The following FHIT variants were observed in gnomAD, a reference collection of about 807,000 sequenced individuals.
FHIT encodes the protein fragile histidine triad diadenosine triphosphatase.
Under a neutral mutation model 17.9 loss-of-function variants are expected in FHIT, and 19 were observed. That is an observed-to-expected ratio of 1.06 (90% CI 0.74 to 1.56). The LOEUF (loss-of-function observed/expected upper bound fraction) is 1.56, where lower values mean the gene tolerates loss of function less well. FHIT is among the 40% of genes most tolerant of loss of function. The pLI is 0.00. For missense variants in FHIT, 248 were observed against 189.2 expected, an observed-to-expected ratio of 1.31 and a Z score of -1.82; for synonymous variants, 81 against 69.7, an observed-to-expected ratio of 1.16 and a Z score of -0.81.
At chr3:60,230,288 T>C (rs973467254) in intron 5 of FHIT, among the ~76,000 whole-genome samples, 17 of 152,132 alleles carry the variant, frequency 1.1e-4, no homozygotes, top group Admixed American at 4.6e-4. Context: ...AATCACATCA[T>C]TCACAGTCAA....
intron 8 of FHIT, among the ~76,000 whole-genome samples, chr3:59,848,172 C>T (rs1701792272): frequency 6.6e-6 from 1 of 152,160 alleles, no homozygotes. Flanking sequence ...AGCTGCCTGC[C>T]ATGGGGCTGA....
chr3:60,403,280 T>G (rs1701731894), intron 5 of FHIT, among the ~76,000 whole-genome samples: 1 of 152,192 alleles, frequency 6.6e-6, no homozygotes, highest in Non-Finnish European at 1.5e-5. Flanking sequence ...TTGTTAAAAT[T>G]ATCTTAGGAG....
intron 3 of FHIT, among the ~76,000 whole-genome samples, chr3:60,868,193 T>C (rs1704246783): frequency 6.6e-6 from 1 of 152,182 alleles, no homozygotes; most frequent in Non-Finnish European, 1.5e-5. Flanking sequence ...GAAGCATTCC[T>C]TTCCCTCTGT....
At chr3:60,218,714 G>A (rs1576325055) in intron 5 of FHIT, among the ~76,000 whole-genome samples, 1 of 151,896 alleles carries the variant, frequency 6.6e-6, no homozygotes, top group Admixed American at 6.6e-5. Context: ...CCCATATATG[G>A]TACTTTTCTA....
chr3:60,265,105 T>C (rs1194454122), intron 5 of FHIT, among the ~76,000 whole-genome samples: 1 of 151,960 alleles, frequency 6.6e-6, no homozygotes, highest in Non-Finnish European at 1.5e-5. Flanking sequence ...CAATGGCTCC[T>C]TTCAATGAAA....
chr3:60,562,460 T>C (rs367714364), intron 4 of FHIT, among the ~76,000 whole-genome samples: 2 of 152,190 alleles, frequency 1.3e-5, no homozygotes, highest in Non-Finnish European at 2.9e-5. Context: ...TTGAGACTGG[T>C]AAATGAAGCC....
At chr3:61,206,387 G>T (rs868865598) in intron 1 of FHIT, among the ~76,000 whole-genome samples, 5 of 146,494 alleles carry the variant, frequency 3.4e-5, no homozygotes, top group African/African-American at 1.3e-4. Flanking sequence ...GGATGGCATT[G>T]AATCTATAAA....
intron 3 of FHIT, among the ~76,000 whole-genome samples, chr3:60,988,324 T>C (rs1208659811): frequency 6.6e-6 from 1 of 152,234 alleles, no homozygotes; most frequent in Admixed American, 6.5e-5. Flanking sequence ...GCCCCATTTG[T>C]GTGATAGGGT....
intron 8 of FHIT, among the ~76,000 whole-genome samples, chr3:59,811,212 CTT>C (rs924689459): frequency 2.0e-5 from 3 of 152,192 alleles, no homozygotes; most frequent in Non-Finnish European, 4.4e-5. Flanking sequence ...ATCAAATCCT[CTT>C]TATTTTAGGA....
chr3:60,572,665 A>G (rs2037426070), intron 4 of FHIT, among the ~76,000 whole-genome samples: 1 of 152,216 alleles, frequency 6.6e-6, no homozygotes, highest in South Asian at 2.1e-4. Flanking sequence ...AACTTCTGCC[A>G]TCTTGAGTCT....
intron 5 of FHIT, among the ~76,000 whole-genome samples, chr3:60,172,697 G>T (rs1409495634): frequency 1.3e-5 from 2 of 152,146 alleles, no homozygotes; most frequent in Non-Finnish European, 2.9e-5. Flanking sequence ...TAGTATATGT[G>T]AGGAACTAAA....
intron 4 of FHIT, among the ~76,000 whole-genome samples, chr3:60,633,594 A>C (rs566456140): frequency 6.6e-6 from 1 of 152,298 alleles, no homozygotes; most frequent in Admixed American, 6.5e-5. Flanking sequence ...AAGCAGTCCA[A>C]ATTTAGAAAA....
At chr3:61,199,162 G>A (rs1052741597) in intron 2 of FHIT, among the ~76,000 whole-genome samples, 6 of 152,182 alleles carry the variant, frequency 3.9e-5, no homozygotes, top group African/African-American at 1.2e-4. Context: ...ACCCATGTCT[G>A]ATTCCAGAGT....
intron 4 of FHIT, among the ~76,000 whole-genome samples, chr3:60,540,351 T>C (rs1259740601): frequency 6.6e-6 from 1 of 152,228 alleles, no homozygotes; most frequent in African/African-American, 2.4e-5. Flanking sequence ...GCAAATTGAT[T>C]GAACTCAAAG....
chr3:60,003,419 C>T (rs892565905), intron 7 of FHIT, among the ~76,000 whole-genome samples: 6 of 152,110 alleles, frequency 3.9e-5, no homozygotes, highest in African/African-American at 1.4e-4. Flanking sequence ...TCAATCAAGG[C>T]ACACATTATT....
At chr3:60,254,857 G>C (rs1420367602) in intron 5 of FHIT, among the ~76,000 whole-genome samples, 2 of 152,138 alleles carry the variant, frequency 1.3e-5, no homozygotes, top group African/African-American at 4.8e-5. Context: ...TTCCTAATGG[G>C]AATATTTGAT....
At chr3:60,939,051 G>T (rs189782242) in intron 3 of FHIT, among the ~76,000 whole-genome samples, 1 of 152,230 alleles carries the variant, frequency 6.6e-6, no homozygotes, top group Admixed American at 6.5e-5. Context: ...TTATCATTTT[G>T]CAGATAAAAA....
chr3:59,856,504 A>T (rs907978676), intron 8 of FHIT, among the ~76,000 whole-genome samples: 3 of 152,216 alleles, frequency 2.0e-5, no homozygotes, highest in Non-Finnish European at 4.4e-5. Context: ...AAAAATCACA[A>T]GGGAGGAAAA....
chr3:60,553,496 TAA>T (rs370085169), intron 4 of FHIT: 1,376 of 131,858 alleles, frequency 0.01, 18 homozygotes, highest in Admixed American at 0.038. Context: ...TATATATATT[TAA>T]AAAAATATAT....
Sources: allele counts gnomAD v4.1 joint callset (sites outside exome capture counted in the v4.1 genomes callset), GRCh38; gene constraint gnomAD v4.1.1; transcripts MANE v1.5; gene names NCBI Gene and HGNC (gene_info 2026-07-23, HGNC 2026-07-21).